The following SCNN1B variants were observed in gnomAD, a reference collection of about 807,000 sequenced individuals.
SCNN1B encodes the protein epithelial sodium channel subunit beta.
A neutral mutation model predicts 65.3 loss-of-function variants in SCNN1B; 46 were observed. That is an observed-to-expected ratio of 0.70 (90% CI 0.56 to 0.90). The LOEUF (loss-of-function observed/expected upper bound fraction) is 0.90, where lower values mean the gene tolerates loss of function less well. SCNN1B is among the 40% of genes least tolerant of loss of function. SCNN1B has a pLI of 0.00. For synonymous variants in SCNN1B, 349 were observed against 330.6 expected (o/e 1.06, Z -0.60); for missense variants, 751 against 830.5 (o/e 0.90, Z 1.18).
chr16:23,304,253 GCA>G (rs1402337185), intron 1 of SCNN1B, among the ~76,000 whole-genome samples: 1 of 123,894 alleles, frequency 8.1e-6, no homozygotes, highest in Non-Finnish European at 1.7e-5. Flanking sequence ...ATGAATGCAT[GCA>G]CACACACACA....
intron 1 of SCNN1B, among the ~76,000 whole-genome samples, chr16:23,314,647 C>T (rs1383538523): frequency 6.6e-6 from 1 of 152,144 alleles, no homozygotes; most frequent in Non-Finnish European, 1.5e-5. Flanking sequence ...TGTGACATGG[C>T]TCTCGAAGCC....
At chr16:23,350,622 G>A (rs1297769034) in intron 2 of SCNN1B, among the ~76,000 whole-genome samples, 1 of 152,154 alleles carries the variant, frequency 6.6e-6, no homozygotes, top group African/African-American at 2.4e-5. Context: ...TTATCCAAAA[G>A]AGAGTCCTGA....
intron 7 of SCNN1B, among the ~76,000 whole-genome samples, chr16:23,373,276 C>T (rs1187208847): frequency 6.6e-6 from 1 of 152,130 alleles, no homozygotes; most frequent in African/African-American, 2.4e-5. Flanking sequence ...GAGCCACTGT[C>T]CCTGGCTAAT....
chr16:23,301,198 T>C (rs553264465), upstream of SCNN1B, among the ~76,000 whole-genome samples: 34 of 151,768 alleles, frequency 2.2e-4, no homozygotes, highest in Admixed American at 2.0e-3. Context: ...AACCCATCTC[T>C]ACAAAAAACA....
Position 23,348,466 on chromosome 16 carries a change from AG to A in SCNN1B, c.-8-120del, listed in dbSNP as rs1247950410. ...AAAGAAGGAAAAAAGGGAGGGAGGG[AG>A]GGGGGAGGGTAAAGAGGGAGGAAGA... On this transcript the variant is annotated intron_variant, in intron 1 of 12. Transcript: ENST00000343070. This position sits in a 1 kb window ranked among gnomAD's most constrained non-coding sequence, Gnocchi z 4.5. 1.4e-4 allele frequency: 89 copies of A among 621,200 alleles called. No homozygotes were observed. Among genetic ancestry groups the A allele is most frequent in the Non-Finnish European group, 2.1e-4 (83 of 389,024 alleles). 38.5% of individuals were successfully genotyped at this position (621,200 alleles called of 1,614,324 possible). A position where few individuals can be genotyped will look rare whatever the true frequency, so the allele number is the denominator to read the frequency against.
chr16:23,353,252 C>A, intron 3 of SCNN1B, 178 bp downstream of exon 3: 1 of 696,730 alleles, frequency 1.4e-6, no homozygotes, highest in Non-Finnish European at 2.4e-6. Context: ...TTAGTCAAGA[C>A]TCCTTTGGTA....
intron 1 of SCNN1B, among the ~76,000 whole-genome samples, chr16:23,316,438 C>A (rs574107716): frequency 2.0e-5 from 3 of 151,476 alleles, no homozygotes; most frequent in African/African-American, 7.3e-5. Flanking sequence ...CCTTCATCAT[C>A]ACCATCATCA....
chr16:23,365,607 A>AGG (rs1962649191), intron 4 of SCNN1B, among the ~76,000 whole-genome samples: 1 of 76,720 alleles, frequency 1.3e-5, no homozygotes. Context: ...GAAAGAAAGA[A>AGG]AGAAAGAAAG....
At chr16:23,312,240 G>A (rs1961360758) in intron 1 of SCNN1B, among the ~76,000 whole-genome samples, 1 of 152,182 alleles carries the variant, frequency 6.6e-6, no homozygotes, top group Non-Finnish European at 1.5e-5. Flanking sequence ...AAAGTGTTGG[G>A]ATTATAGGCA....
intron 4 of SCNN1B, among the ~76,000 whole-genome samples, chr16:23,357,613 A>G (rs558786903): frequency 1.3e-5 from 2 of 152,294 alleles, no homozygotes; most frequent in South Asian, 4.1e-4. Context: ...ACAGGCACAC[A>G]TGGGCAGGGT....
At chr16:23,304,118 G>A in intron 1 of SCNN1B, 2 of 1,523,530 alleles carry the variant, frequency 1.3e-6, no homozygotes, top group African/African-American at 2.7e-5. Flanking sequence ...TTTTATTTCA[G>A]CATCTTCTAT....
At chr16:23,299,940 C>A (rs1451647691), upstream of SCNN1B, among the ~76,000 whole-genome samples, 5 of 152,126 alleles carry the variant, frequency 3.3e-5, no homozygotes, top group African/African-American at 9.7e-5. Flanking sequence ...TGGAACCAAC[C>A]CAAATGCCCA....
chr16:23,334,385 A>G (rs10492792), intron 1 of SCNN1B, among the ~76,000 whole-genome samples: 12,019 of 152,250 alleles, frequency 0.079, 1,632 homozygotes, highest in African/African-American at 0.27. Flanking sequence ...TTTTCGAGTC[A>G]TGGACTATAT....
At chr16:23,280,442 C>A (rs1443248569) in intron 1 of SCNN1B, among the ~76,000 whole-genome samples, 2 of 151,962 alleles carry the variant, frequency 1.3e-5, no homozygotes, top group African/African-American at 4.8e-5. Context: ...CAGGCTGGAA[C>A]TCCTGGGATC....
rs139282872 is a variant in SCNN1B, at chr16:23,284,376, G to C, written n.178+572G>C. 1.7e-3 allele frequency among the ~76,000 whole-genome samples: 260 copies of C among 152,238 alleles called. 1 individual carries two copies. Among genetic ancestry groups the C allele is most frequent in the African/African-American group, 5.8e-3 (239 of 41,530 alleles). On this transcript the variant is annotated intron_variant and non_coding_transcript_variant, in intron 2 of 3. Coordinates refer to the SCNN1B transcript ENST00000569789. Reference sequence around the variant, plus strand: ...GCGGAGACAGTGCCACTGCACTCCAGCCTGGGCAACAGAGCAAGACTCCAT... The same window carrying C: ...GCGGAGACAGTGCCACTGCACTCCACCCTGGGCAACAGAGCAAGACTCCAT...
At chr16:23,376,960 C>A (rs896670127) in intron 8 of SCNN1B, among the ~76,000 whole-genome samples, 4 of 152,174 alleles carry the variant, frequency 2.6e-5, no homozygotes, top group Admixed American at 2.0e-4. Context: ...CTGGGACCCC[C>A]CTGAGCTGGG....
At chr16:23,373,831 G>GGACA (rs993455787) in intron 7 of SCNN1B, among the ~76,000 whole-genome samples, 20 of 152,264 alleles carry the variant, frequency 1.3e-4, no homozygotes, top group African/African-American at 4.3e-4. Flanking sequence ...GCCTCTGGAG[G>GGACA]GACAGACAGA....
At chr16:23,290,128 A>G (rs1960903430) in intron 2 of SCNN1B, among the ~76,000 whole-genome samples, 1 of 152,166 alleles carries the variant, frequency 6.6e-6, no homozygotes, top group African/African-American at 2.4e-5. Flanking sequence ...CTATAAAATG[A>G]GGCCGATAGT....
At chr16:23,314,353 C>T (rs1168248546) in intron 1 of SCNN1B, among the ~76,000 whole-genome samples, 1 of 152,152 alleles carries the variant, frequency 6.6e-6, no homozygotes, top group Non-Finnish European at 1.5e-5. Flanking sequence ...CCCCCTTTTA[C>T]ACACAGAGAA....
Sources: allele counts gnomAD v4.1 joint callset (sites outside exome capture counted in the v4.1 genomes callset), GRCh38; gene constraint gnomAD v4.1.1; non-coding constraint Gnocchi (gnomAD v3.1); transcripts MANE v1.5; gene names NCBI Gene and HGNC (gene_info 2026-07-23, HGNC 2026-07-21).